The following DNAH6 variants were observed in gnomAD, a reference collection of about 807,000 sequenced individuals.
The protein encoded by DNAH6 is dynein axonemal heavy chain 6.
In DNAH6, 340 loss-of-function variants were observed where a neutral mutation model predicts 491.4. The ratio of observed to expected loss-of-function variants is 0.69; its 90% CI spans 0.63 to 0.76. The LOEUF is 0.76. DNAH6 is among the 30% of genes least tolerant of loss of function. The probability of loss-of-function intolerance (pLI) is 0.00; values close to 1 mark genes in which losing one functional copy is unlikely to be tolerated. For missense variants in DNAH6, 4,443 were observed against 4,972.2 expected, an observed-to-expected ratio of 0.89 and a Z score of 3.20; for synonymous variants, 1,603 against 1,686.1, an observed-to-expected ratio of 0.95 and a Z score of 1.21.
chr2:84,486,014 G>A, the DNAH6 span, among the ~76,000 whole-genome samples: 8 of 152,056 alleles, frequency 5.3e-5, no homozygotes, highest in Admixed American at 1.3e-4. Context: ...ATTCCTCATA[G>A]GATAAATACT....
chr2:84,737,258 A>G (rs1471195165), intron 62 of DNAH6, among the ~76,000 whole-genome samples: 4 of 151,888 alleles, frequency 2.6e-5, no homozygotes, highest in Non-Finnish European at 4.4e-5. Flanking sequence ...TTTTGAGTCT[A>G]TTTTCATCAG....
chr2:84,736,120 C>T (rs1462075866), intron 62 of DNAH6, among the ~76,000 whole-genome samples: 3 of 152,028 alleles, frequency 2.0e-5, no homozygotes, highest in Admixed American at 6.6e-5. Flanking sequence ...AGTATTCTTT[C>T]CACATTATTT....
At chr2:84,603,081 G>A (rs1281293325) in intron 18 of DNAH6, among the ~76,000 whole-genome samples, 1 of 151,974 alleles carries the variant, frequency 6.6e-6, no homozygotes, top group East Asian at 1.9e-4. Context: ...CTTCCAACAT[G>A]TGTGTCATTT....
chr2:84,793,612 C>T (rs1299673990), intron 68 of DNAH6, among the ~76,000 whole-genome samples: 1 of 152,162 alleles, frequency 6.6e-6, no homozygotes, highest in African/African-American at 2.4e-5. Context: ...AGAGATTTAA[C>T]CCAACTTTAT....
Position 84,525,459 on chromosome 2 carries a change from C to T in DNAH6, c.226-106C>T, listed in dbSNP as rs1029213976. ...CTGCATCTTTGATAGGAAATTAGTC[C>T]AAGGAGATCAATTTCCAACAGGAGA... On this transcript the variant is annotated intron_variant, in intron 2 of 76. Coordinates refer to ENST00000389394, the MANE Select transcript of DNAH6 (RefSeq NM_001370.2). 5.3e-6 allele frequency: 6 copies of T among 1,138,718 alleles called. No homozygotes were observed. The African/African-American group carries it at 8.0e-5, about 15-fold the overall frequency. 70.5% of individuals were successfully genotyped at this position (1,138,718 alleles called of 1,614,324 possible). A position where few individuals can be genotyped will look rare whatever the true frequency, so the allele number is the denominator to read the frequency against.
intron 2 of DNAH6, among the ~76,000 whole-genome samples, chr2:84,520,586 C>G (rs1219261014): frequency 6.6e-6 from 1 of 152,040 alleles, no homozygotes; most frequent in Non-Finnish European, 1.5e-5. Flanking sequence ...ACCCTCCTCC[C>G]TCAAGTAGAC....
At chr2:84,763,062 C>T in intron 64 of DNAH6, 117 bp downstream of exon 64, 1 of 738,836 alleles carries the variant, frequency 1.4e-6, no homozygotes, top group Non-Finnish European at 2.3e-6. Context: ...GTATCACTTA[C>T]TACATAAATT....
intron 2 of DNAH6, 144 bp from the exon 3 acceptor site, chr2:84,525,421 T>A (rs1010354381): frequency 2.7e-6 from 2 of 731,180 alleles, no homozygotes; most frequent in African/African-American, 3.7e-5. Flanking sequence ...ATGGTGGTAG[T>A]TAACTATTAG....
intron 23 of DNAH6, among the ~76,000 whole-genome samples, chr2:84,619,280 C>T (rs999576552): frequency 2.6e-5 from 4 of 152,158 alleles, no homozygotes; most frequent in Non-Finnish European, 4.4e-5. Context: ...TCTGTTAACT[C>T]TTCAGCAAAT....
At chr2:84,507,936 A>C in the DNAH6 span, among the ~76,000 whole-genome samples, 113 of 152,282 alleles carry the variant, frequency 7.4e-4, no homozygotes, top group Non-Finnish European at 1.5e-3. Flanking sequence ...CGTGGTGGAT[A>C]AGCTTTTTGA....
chr2:84,680,181 T>TA (rs1693645414), intron 41 of DNAH6, among the ~76,000 whole-genome samples: 2 of 152,086 alleles, frequency 1.3e-5, no homozygotes, highest in African/African-American at 4.8e-5. Context: ...TGAAAACAAA[T>TA]ACTCAGGTTT....
intron 45 of DNAH6, among the ~76,000 whole-genome samples, 163 bp downstream of exon 45, chr2:84,688,756 A>G (rs139875992): frequency 6.6e-6 from 1 of 152,324 alleles, no homozygotes; most frequent in Non-Finnish European, 1.5e-5. Flanking sequence ...CATATTTTAA[A>G]TATTTGTGGA....
At chr2:84,589,787 G>A (rs200169114) in intron 16 of DNAH6, among the ~76,000 whole-genome samples, 2 of 151,600 alleles carry the variant, frequency 1.3e-5, no homozygotes, top group East Asian at 3.9e-4. Context: ...AAGAGAAAGG[G>A]GTAAGAGATG....
At chr2:84,539,254 A>AT (rs1678003382) in intron 4 of DNAH6, among the ~76,000 whole-genome samples, 1 of 152,020 alleles carries the variant, frequency 6.6e-6, no homozygotes, top group Non-Finnish European at 1.5e-5. Flanking sequence ...CATTAGATCT[A>AT]TTTTTTCCCA....
At chr2:84,634,452 G>C in intron 29 of DNAH6, 52 bp from the exon 30 acceptor site, 1 of 1,361,290 alleles carries the variant, frequency 7.3e-7, no homozygotes, top group Non-Finnish European at 9.5e-7. Context: ...TTTAATTTTT[G>C]AAGGAGCTGA....
chr2:84,582,965 C>T (rs1683177737), intron 14 of DNAH6, among the ~76,000 whole-genome samples: 1 of 152,200 alleles, frequency 6.6e-6, no homozygotes, highest in South Asian at 2.1e-4. Flanking sequence ...TTTGATGCTC[C>T]TTGGTTCAGC....
chr2:84,468,108 G>C, the DNAH6 span, among the ~76,000 whole-genome samples: 6 of 152,114 alleles, frequency 3.9e-5, no homozygotes, highest in Non-Finnish European at 7.4e-5. Context: ...TTTTAAAGCT[G>C]TTTTTATTTC....
chr2:84,664,709 G>C (rs891157418), intron 37 of DNAH6, among the ~76,000 whole-genome samples: 1 of 152,142 alleles, frequency 6.6e-6, no homozygotes, highest in Non-Finnish European at 1.5e-5. Flanking sequence ...AGTTAACAAG[G>C]ATATCCAGGA....
Position 84,812,337 on chromosome 2 carries a change from TCAGA to T in DNAH6, c.11740-2_11741del, listed in dbSNP as rs1419414666. On this transcript the variant is annotated splice_acceptor_variant and splice_polypyrimidine_tract_variant and coding_sequence_variant and intron_variant, in exon 73 of 77. Transcript: ENST00000389394. LOFTEE classifies it high-confidence loss of function. ...GGCCACCAACCCCTTTTTTGTTCTT[TCAGA>T]CTTCTCTGGAAACACTCAACAAAGC... 1 of 1,551,164 alleles carries T rather than the reference TCAGA, an allele frequency of 6.4e-7. No individual in the cohort carries two copies. The highest frequency in any genetic ancestry group is 2.0e-5 in the Admixed American group (1 of 50,932).
Sources: allele counts gnomAD v4.1 joint callset (sites outside exome capture counted in the v4.1 genomes callset), GRCh38; gene constraint gnomAD v4.1.1; transcripts MANE v1.5; gene names NCBI Gene and HGNC (gene_info 2026-07-23, HGNC 2026-07-21).